The following WDR27 variants were observed in gnomAD, a reference collection of about 807,000 sequenced individuals.
WDR27 encodes WD repeat domain 27.
WDR27 carries 100 observed loss-of-function variants against 114.4 expected under a neutral mutation model. The ratio of observed to expected loss-of-function variants is 0.87; its 90% CI spans 0.74 to 1.03. The LOEUF is 1.03. WDR27 is among the 50% of genes least tolerant of loss of function. The probability of loss-of-function intolerance (pLI) is 0.00; values close to 1 mark genes in which losing one functional copy is unlikely to be tolerated. For synonymous variants in WDR27, 449 were observed against 423.1 expected (o/e 1.06, Z -0.75); for missense variants, 1,129 against 1,092.9 (o/e 1.03, Z -0.47).
chr6:169,509,360 C>A (rs530360173), intron 25 of WDR27, among the ~76,000 whole-genome samples: 1 of 152,120 alleles, frequency 6.6e-6, no homozygotes, highest in Non-Finnish European at 1.5e-5. Flanking sequence ...GAAGGCATCA[C>A]GCTACCTGAC....
At chr6:169,595,199 T>C (rs1806538169) in intron 23 of WDR27, among the ~76,000 whole-genome samples, 2 of 152,242 alleles carry the variant, frequency 1.3e-5, no homozygotes. Context: ...GACATCAATA[T>C]GACTGACATT....
intron 25 of WDR27, among the ~76,000 whole-genome samples, chr6:169,509,719 G>C (rs539733132): frequency 6.6e-6 from 1 of 152,096 alleles, no homozygotes; most frequent in Admixed American, 6.5e-5. Context: ...CATAGGCATG[G>C]GCAAGGACTT....
intron 25 of WDR27, among the ~76,000 whole-genome samples, chr6:169,560,276 A>G (rs1213389228): frequency 6.6e-6 from 1 of 152,158 alleles, no homozygotes; most frequent in Non-Finnish European, 1.5e-5. Flanking sequence ...CCACCATGTA[A>G]AAAGTGCCTT....
chr6:169,448,046 T>C, the WDR27 span, among the ~76,000 whole-genome samples: 1 of 152,192 alleles, frequency 6.6e-6, no homozygotes, highest in Non-Finnish European at 1.5e-5. Flanking sequence ...AATACAAGAA[T>C]GCTATTTTGT....
intron 23 of WDR27, among the ~76,000 whole-genome samples, chr6:169,592,295 A>G (rs928900442): frequency 6.6e-6 from 1 of 152,128 alleles, no homozygotes; most frequent in Non-Finnish European, 1.5e-5. Flanking sequence ...ACCTACAGAG[A>G]ACTGCCTTCT....
chr6:169,596,804 GA>G (rs1450426323), intron 23 of WDR27, among the ~76,000 whole-genome samples: 8 of 152,052 alleles, frequency 5.3e-5, no homozygotes, highest in Non-Finnish European at 1.2e-4. Flanking sequence ...TATTTACAAA[GA>G]AAAGTGTAAT....
At chr6:169,686,727 A>G (rs1024613935) in intron 2 of WDR27, among the ~76,000 whole-genome samples, 3 of 152,196 alleles carry the variant, frequency 2.0e-5, no homozygotes, top group African/African-American at 7.2e-5. Flanking sequence ...CAGCCAAAAT[A>G]TGGAATCAAC....
chr6:169,654,141 A>C (rs1823372023), intron 13 of WDR27, among the ~76,000 whole-genome samples: 1 of 152,274 alleles, frequency 6.6e-6, no homozygotes, highest in Non-Finnish European at 1.5e-5. Flanking sequence ...AAAACTCCTC[A>C]ATAAAATATT....
intron 25 of WDR27, among the ~76,000 whole-genome samples, chr6:169,471,697 G>A (rs368503606): frequency 7.2e-5 from 11 of 152,248 alleles, no homozygotes; most frequent in South Asian, 2.1e-4. Context: ...TTCTTCTTTC[G>A]TAAGACATTG....
chr6:169,588,056 C>T (rs182512133), intron 23 of WDR27, among the ~76,000 whole-genome samples: 5 of 152,302 alleles, frequency 3.3e-5, no homozygotes, highest in African/African-American at 7.2e-5. Context: ...GAAAAATACA[C>T]GAGAGCTATA....
chr6:169,624,708 A>C (rs1361151154), intron 21 of WDR27, among the ~76,000 whole-genome samples: 4 of 152,220 alleles, frequency 2.6e-5, no homozygotes, highest in Admixed American at 6.5e-5. Flanking sequence ...AGAGTTTGAC[A>C]ACCACTGAGA....
At chr6:169,477,098 TAAG>T (rs1347791227) in intron 25 of WDR27, among the ~76,000 whole-genome samples, 1 of 152,220 alleles carries the variant, frequency 6.6e-6, no homozygotes, top group Non-Finnish European at 1.5e-5. Context: ...TCTACTGAGA[TAAG>T]AAAGTATCTT....
intron 25 of WDR27, among the ~76,000 whole-genome samples, chr6:169,476,982 T>A (rs933314200): frequency 6.6e-6 from 1 of 152,254 alleles, no homozygotes; most frequent in East Asian, 1.9e-4. Flanking sequence ...GTGACATTTG[T>A]GTCTTTAACT....
Position 169,684,387 on chromosome 6 carries a change from C to T in WDR27, c.189+4430G>A, listed in dbSNP as rs917389231. Among the ~76,000 whole-genome samples, 4 of 152,100 alleles carry T rather than the reference C, an allele frequency of 2.6e-5. No individual in the cohort carries two copies. The highest frequency in any genetic ancestry group is 5.9e-5 in the Non-Finnish European group (4 of 68,014). On this transcript the variant is annotated intron_variant, in intron 2 of 25. Coordinates refer to ENST00000448612, the MANE Select transcript of WDR27 (RefSeq NM_182552.5). This position sits in a 1 kb window ranked among gnomAD's most constrained non-coding sequence, Gnocchi z 4.3. ...ATACTTCTGGGCTGCCCAATGTCCCCGAGTCTCCAATAAAGGCCTGAGAAA... is the reference window on the plus strand; with the variant it reads ...ATACTTCTGGGCTGCCCAATGTCCCTGAGTCTCCAATAAAGGCCTGAGAAA...
intron 6 of WDR27, 34 bp downstream of exon 6, chr6:169,667,102 C>T (rs1324935833): frequency 2.0e-6 from 3 of 1,484,122 alleles, no homozygotes; most frequent in Non-Finnish European, 2.7e-6. Context: ...TACACACAAC[C>T]TATTTACAGA....
At chr6:169,479,394 T>G (rs1787635787) in intron 25 of WDR27, among the ~76,000 whole-genome samples, 1 of 152,106 alleles carries the variant, frequency 6.6e-6, no homozygotes, top group Admixed American at 6.5e-5. Context: ...GAAAACTGAC[T>G]TTAAACCAAT....
intron 15 of WDR27, 111 bp from the exon 16 acceptor site, chr6:169,647,981 A>G (rs1163806497): frequency 2.9e-6 from 2 of 683,270 alleles, no homozygotes; most frequent in Non-Finnish European, 4.9e-6. Context: ...GTATAATCGT[A>G]TTCCAGTAAA....
At chr6:169,667,266 C>T (rs1423050880) in intron 5 of WDR27, 79 bp from the exon 6 acceptor site, 22 of 1,354,766 alleles carry the variant, frequency 1.6e-5, no homozygotes, top group East Asian at 3.0e-5. Context: ...CAGTACTATT[C>T]ACTATCAGAT....
intron 19 of WDR27, among the ~76,000 whole-genome samples, chr6:169,636,118 G>A (rs1369098661): frequency 1.3e-5 from 2 of 152,150 alleles, no homozygotes; most frequent in Non-Finnish European, 2.9e-5. Context: ...CTGCAGAGCC[G>A]AGATGATAAT....
Sources: allele counts gnomAD v4.1 joint callset (sites outside exome capture counted in the v4.1 genomes callset), GRCh38; gene constraint gnomAD v4.1.1; non-coding constraint Gnocchi (gnomAD v3.1); transcripts MANE v1.5; gene names NCBI Gene and HGNC (gene_info 2026-07-23, HGNC 2026-07-21).